Variants in TBC1D12 observed in about 807,000 individuals in gnomAD.
TBC1D12 encodes the protein TBC1 domain family, member 12.
TBC1D12 carries 56 observed loss-of-function variants against 86.7 expected under a neutral mutation model. That is an observed-to-expected ratio of 0.65 (90% CI 0.52 to 0.81). TBC1D12 has a LOEUF of 0.81. Ranked by LOEUF, TBC1D12 falls within the 30% of genes least tolerant of loss-of-function variation. TBC1D12 has a pLI of 0.00. For synonymous variants in TBC1D12, 421 were observed against 411.7 expected (o/e 1.02, Z -0.27); for missense variants, 1,023 against 1,038.8 (o/e 0.98, Z 0.21).
chr10:94,486,289 A>C (rs1169625208), intron 3 of TBC1D12, among the ~76,000 whole-genome samples: 2 of 151,686 alleles, frequency 1.3e-5, no homozygotes, highest in African/African-American at 4.8e-5. Context: ...CTGGGACTAA[A>C]GGCACATGCC....
chr10:94,493,784 A>G (rs1051147047), intron 4 of TBC1D12, among the ~76,000 whole-genome samples: 8 of 151,996 alleles, frequency 5.3e-5, no homozygotes, highest in African/African-American at 1.7e-4. Flanking sequence ...TTTCTCTACT[A>G]TTTTTATAAT....
intron 2 of TBC1D12, chr10:94,447,609 G>A: frequency 1.0e-6 from 1 of 984,938 alleles, no homozygotes; most frequent in African/African-American, 1.7e-5. Flanking sequence ...TACTTTTTGA[G>A]GATTATCACA....
intron 8 of TBC1D12, among the ~76,000 whole-genome samples, chr10:94,510,637 AT>A (rs2056514695): frequency 6.6e-6 from 1 of 152,152 alleles, no homozygotes; most frequent in Non-Finnish European, 1.5e-5. Context: ...ACTACATTAT[AT>A]ATACTTTATC....
chr10:94,474,353 CT>C (rs1564964893), intron 2 of TBC1D12, among the ~76,000 whole-genome samples: 5 of 150,548 alleles, frequency 3.3e-5, no homozygotes, highest in Admixed American at 6.6e-5. Flanking sequence ...AAAAAAACAA[CT>C]TTTTTTATGT....
intron 1 of TBC1D12, among the ~76,000 whole-genome samples, chr10:94,433,741 T>A (rs2055252241): frequency 6.6e-6 from 1 of 152,236 alleles, no homozygotes; most frequent in South Asian, 2.1e-4. Context: ...GTCTGTTTTC[T>A]CAGCCAGGTC....
intron 11 of TBC1D12, among the ~76,000 whole-genome samples, chr10:94,527,958 C>G (rs1303584087): frequency 6.6e-6 from 1 of 151,586 alleles, no homozygotes; most frequent in Non-Finnish European, 1.5e-5. Flanking sequence ...CAGTACTATT[C>G]TGTTTGGGTT....
At chr10:94,455,759 G>C (rs1020777519) in intron 2 of TBC1D12, among the ~76,000 whole-genome samples, 2 of 152,084 alleles carry the variant, frequency 1.3e-5, no homozygotes, top group African/African-American at 4.8e-5. Context: ...GTGAAATCCT[G>C]TCTGCACTAA....
chr10:94,501,012 C>T (rs548106469), intron 6 of TBC1D12, among the ~76,000 whole-genome samples: 135 of 151,290 alleles, frequency 8.9e-4, no homozygotes, highest in African/African-American at 2.8e-3. Flanking sequence ...GCCGAGATCG[C>T]GCCTGTGCAC....
chr10:94,445,682 T>C (rs772371234), intron 2 of TBC1D12, among the ~76,000 whole-genome samples: 1 of 152,074 alleles, frequency 6.6e-6, no homozygotes, highest in African/African-American at 2.4e-5. Context: ...GTGCGGTGGC[T>C]CACACCTTTA....
At position 94,479,671 on chromosome 10, in the gene TBC1D12, A is replaced by G. The variant is rs3980302; in HGVS notation, c.1211+4888A>G. Among the ~76,000 whole-genome samples, 271 of 151,626 alleles carry G rather than the reference A, an allele frequency of 1.8e-3. 1 individual carries two copies. Among genetic ancestry groups the G allele is most frequent in the African/African-American group, 6.3e-3 (260 of 41,452 alleles). ...GTATGTGTAGGCAATACTAGGAATT[A>G]TAAGATTCAATGGATCTGGATGTGA... On this transcript the variant is annotated intron_variant, in intron 3 of 12. Coordinates refer to ENST00000225235, the MANE Select transcript of TBC1D12 (RefSeq NM_015188.2).
intron 1 of TBC1D12, among the ~76,000 whole-genome samples, chr10:94,440,683 T>C (rs2055368352): frequency 6.6e-6 from 1 of 152,246 alleles, no homozygotes; most frequent in African/African-American, 2.4e-5. Flanking sequence ...ATTTTCTTAC[T>C]GTTCACTTAT....
intron 1 of TBC1D12, among the ~76,000 whole-genome samples, chr10:94,430,664 G>T (rs758601416): frequency 6.6e-6 from 1 of 152,132 alleles, no homozygotes; most frequent in Non-Finnish European, 1.5e-5. Flanking sequence ...TGAAGCAAAT[G>T]TTAACATGTA....
At chr10:94,528,209 A>T (rs2134234279) in intron 11 of TBC1D12, among the ~76,000 whole-genome samples, 1 of 152,236 alleles carries the variant, frequency 6.6e-6, no homozygotes. Flanking sequence ...CAATCTATGA[A>T]CATGGGATGT....
chr10:94,425,965 A>G (rs1355185840), intron 1 of TBC1D12, among the ~76,000 whole-genome samples: 2 of 152,052 alleles, frequency 1.3e-5, no homozygotes, highest in African/African-American at 4.8e-5. Flanking sequence ...TCACTTTCTA[A>G]CTATTCATTA....
intron 6 of TBC1D12, among the ~76,000 whole-genome samples, chr10:94,505,177 T>TA (rs902203132): frequency 5.3e-5 from 8 of 152,286 alleles, no homozygotes; most frequent in South Asian, 2.1e-4. Flanking sequence ...TTGAATTTTT[T>TA]AAAAAAACTT....
At chr10:94,524,362 C>T (rs922180226) in intron 11 of TBC1D12, among the ~76,000 whole-genome samples, 5 of 152,124 alleles carry the variant, frequency 3.3e-5, no homozygotes, top group African/African-American at 1.2e-4. Flanking sequence ...GCTGTTTGCC[C>T]AGAAAGAAAA....
At chr10:94,461,267 C>T (rs917719521) in intron 2 of TBC1D12, among the ~76,000 whole-genome samples, 1 of 152,162 alleles carries the variant, frequency 6.6e-6, no homozygotes, top group African/African-American at 2.4e-5. Context: ...TTTGGTGAAC[C>T]TGTACCTCTG....
intron 1 of TBC1D12, among the ~76,000 whole-genome samples, chr10:94,422,353 C>A (rs2055087109): frequency 6.6e-6 from 1 of 151,372 alleles, no homozygotes; most frequent in South Asian, 2.1e-4. Flanking sequence ...CCACACCCAG[C>A]CAATTTTTGT....
At chr10:94,408,718 G>T (rs961438421) in intron 1 of TBC1D12, among the ~76,000 whole-genome samples, 1 of 151,506 alleles carries the variant, frequency 6.6e-6, no homozygotes, top group Non-Finnish European at 1.5e-5. Context: ...GCCTCCACCA[G>T]TCAACTAAAA....
Sources: allele counts gnomAD v4.1 joint callset (sites outside exome capture counted in the v4.1 genomes callset), GRCh38; gene constraint gnomAD v4.1.1; transcripts MANE v1.5; gene names NCBI Gene and HGNC (gene_info 2026-07-23, HGNC 2026-07-21).